The following REDIC1 variants were observed in gnomAD, a reference collection of about 807,000 sequenced individuals.
The protein encoded by REDIC1 is HEI10 Interacting Protein 1.
chr12:39,754,888 GAAAT>G, the REDIC1 span: 1 of 151,822 alleles, frequency 6.6e-6, no homozygotes, highest in Non-Finnish European at 1.5e-5. Context: ...ATAATCAAAA[GAAAT>G]AAAATATCAT....
At chr12:39,736,235 A>G in the REDIC1 span, among the ~76,000 whole-genome samples, 156 of 152,252 alleles carry the variant, frequency 1.0e-3, 1 homozygote, top group African/African-American at 3.7e-3. Flanking sequence ...TTTATGGACT[A>G]TTGTATCTTT....
the REDIC1 span, among the ~76,000 whole-genome samples, chr12:39,885,470 C>T: frequency 6.6e-6 from 1 of 152,268 alleles, no homozygotes; most frequent in East Asian, 1.9e-4. Flanking sequence ...TTGATCCCCG[C>T]TTCTACAATG....
At chr12:39,699,119 TAAA>T in the REDIC1 span, among the ~76,000 whole-genome samples, 1 of 152,054 alleles carries the variant, frequency 6.6e-6, no homozygotes, top group Non-Finnish European at 1.5e-5. Context: ...AAGATGTAAA[TAAA>T]TAAAATCAGA....
the REDIC1 span, among the ~76,000 whole-genome samples, chr12:39,732,351 G>C: frequency 6.6e-6 from 1 of 152,088 alleles, no homozygotes; most frequent in African/African-American, 2.4e-5. Context: ...TGTATCCAGA[G>C]GTTTGATCAA....
the REDIC1 span, chr12:39,643,676 G>T: frequency 2.0e-5 from 16 of 812,684 alleles, no homozygotes; most frequent in Non-Finnish European, 2.4e-5. Context: ...AAATATAAAA[G>T]TATCAAGTCA....
the REDIC1 span, among the ~76,000 whole-genome samples, chr12:39,842,737 T>C: frequency 1.3e-5 from 2 of 152,016 alleles, no homozygotes; most frequent in Non-Finnish European, 2.9e-5. Context: ...TTCCGGAACA[T>C]TTTCATTGCT....
At chr12:39,723,819 A>G in the REDIC1 span, among the ~76,000 whole-genome samples, 2 of 152,152 alleles carry the variant, frequency 1.3e-5, no homozygotes, top group Non-Finnish European at 2.9e-5. Context: ...GGAAGTTTCC[A>G]TCTGTAATAA....
At chr12:39,731,968 A>T in the REDIC1 span, among the ~76,000 whole-genome samples, 9 of 152,242 alleles carry the variant, frequency 5.9e-5, no homozygotes, top group African/African-American at 2.2e-4. Context: ...GAAAAAACAG[A>T]ATTCTGCCAG....
the REDIC1 span, among the ~76,000 whole-genome samples, chr12:39,746,474 T>C: frequency 6.6e-6 from 1 of 152,184 alleles, no homozygotes; most frequent in African/African-American, 2.4e-5. Context: ...GAGGCCTGCC[T>C]GCCTCTGTAG....
chr12:39,817,039 A>G, the REDIC1 span, among the ~76,000 whole-genome samples: 1 of 151,202 alleles, frequency 6.6e-6, no homozygotes, highest in African/African-American at 2.4e-5. Flanking sequence ...CCTTGAGGGA[A>G]AAAAAAAATA....
chr12:39,745,268 G>T, the REDIC1 span, among the ~76,000 whole-genome samples: 2 of 152,136 alleles, frequency 1.3e-5, no homozygotes, highest in Non-Finnish European at 2.9e-5. Context: ...GACCCTGCAG[G>T]AAGAAAACAG....
At chr12:39,755,787 C>G in the REDIC1 span, 1 of 152,136 alleles carries the variant, frequency 6.6e-6, no homozygotes, top group Non-Finnish European at 1.5e-5. Flanking sequence ...GTACAACAGA[C>G]TATATATTTT....
chr12:39,884,162 TCTCA>T, the REDIC1 span, among the ~76,000 whole-genome samples: 1 of 152,118 alleles, frequency 6.6e-6, no homozygotes, highest in South Asian at 2.1e-4. Context: ...AGAGATGGGG[TCTCA>T]CTATGTTGCT....
chr12:39,825,722 T>C, the REDIC1 span, among the ~76,000 whole-genome samples: 6 of 152,102 alleles, frequency 3.9e-5, no homozygotes, highest in Non-Finnish European at 8.8e-5. Flanking sequence ...TTGATTAGTA[T>C]TGCAAGAGGT....
At chr12:39,899,914 T>C in the REDIC1 span, among the ~76,000 whole-genome samples, 1 of 152,064 alleles carries the variant, frequency 6.6e-6, no homozygotes, top group African/African-American at 2.4e-5. Context: ...TGTGGTCAAT[T>C]TTGGAATAGG....
At chr12:39,769,521 G>A in the REDIC1 span, among the ~76,000 whole-genome samples, 2 of 113,066 alleles carry the variant, frequency 1.8e-5, no homozygotes, top group Non-Finnish European at 3.6e-5. Flanking sequence ...TTTGAGAAAA[G>A]AAAGTTTTTT....
At chr12:39,658,778 T>C in the REDIC1 span, among the ~76,000 whole-genome samples, 1 of 152,202 alleles carries the variant, frequency 6.6e-6, no homozygotes, top group African/African-American at 2.4e-5. Context: ...TATTAATGTA[T>C]CACAGATTAT....
the REDIC1 span, among the ~76,000 whole-genome samples, chr12:39,795,853 G>T: frequency 6.6e-6 from 1 of 152,050 alleles, no homozygotes; most frequent in Non-Finnish European, 1.5e-5. Flanking sequence ...ATGCATTGGG[G>T]CATTTTTTTC....
chr12:39,888,990 C>T, the REDIC1 span, among the ~76,000 whole-genome samples: 8 of 151,992 alleles, frequency 5.3e-5, no homozygotes, highest in Non-Finnish European at 7.4e-5. Flanking sequence ...AAATACAAGT[C>T]GGGATTCAAT....
Sources: gnomAD v4.1 joint callset for allele counts (sites outside exome capture counted in the v4.1 genomes callset) on GRCh38, gnomAD v4.1.1 for gene constraint, MANE v1.5 for transcripts, NCBI Gene and HGNC (gene_info 2026-07-23, HGNC 2026-07-21) for gene names.